Variants in PRPH2 observed in about 807,000 individuals in gnomAD.
PRPH2 encodes peripherin 2, also known as peripherin-2.
PRPH2 carries 17 observed loss-of-function variants against 31.3 expected under a neutral mutation model. That is an observed-to-expected ratio of 0.54 (90% CI 0.37 to 0.81). The LOEUF is 0.81. Ranked by LOEUF, PRPH2 falls within the 40% of genes least tolerant of loss-of-function variation. The probability of loss-of-function intolerance (pLI) is 0.00; values close to 1 mark genes in which losing one functional copy is unlikely to be tolerated. For synonymous variants in PRPH2, 165 were observed against 184.4 expected, an observed-to-expected ratio of 0.89 and a Z score of 0.85; for missense variants, 430 against 439.7, an observed-to-expected ratio of 0.98 and a Z score of 0.20.
At chr6:42,711,620 T>C (rs115405259) in intron 1 of PRPH2, among the ~76,000 whole-genome samples, 1,709 of 152,206 alleles carry the variant, frequency 0.011, 21 homozygotes, top group Non-Finnish European at 0.02. Flanking sequence ...AGCCCAGCCC[T>C]CAGGAAGCCC....
chr6:42,720,680 C>T (rs1352503136), intron 1 of PRPH2, among the ~76,000 whole-genome samples: 1 of 152,186 alleles, frequency 6.6e-6, no homozygotes, highest in Non-Finnish European at 1.5e-5. Flanking sequence ...TTCAAGTTCC[C>T]TTTGGACTTG....
At chr6:42,708,267 G>T (rs1205115493) in intron 1 of PRPH2, among the ~76,000 whole-genome samples, 5 of 152,214 alleles carry the variant, frequency 3.3e-5, no homozygotes, top group African/African-American at 9.6e-5. Flanking sequence ...GATCGTGCGG[G>T]CCACCCTCCA....
chr6:42,709,709 C>G (rs1420703629), intron 1 of PRPH2, among the ~76,000 whole-genome samples: 1 of 152,130 alleles, frequency 6.6e-6, no homozygotes, highest in African/African-American at 2.4e-5. Flanking sequence ...ATCTGGCTGC[C>G]ATTGGTGACA....
At chr6:42,718,837 C>T (rs1761837928) in intron 1 of PRPH2, among the ~76,000 whole-genome samples, 2 of 150,396 alleles carry the variant, frequency 1.3e-5, no homozygotes, top group Admixed American at 1.3e-4. Flanking sequence ...ATGTTTTGGG[C>T]TTTTTTTTTA....
intron 1 of PRPH2, among the ~76,000 whole-genome samples, chr6:42,716,592 TGTTTG>T (rs1344328971): frequency 6.7e-6 from 1 of 148,256 alleles, no homozygotes; most frequent in Non-Finnish European, 1.5e-5. Context: ...TAATTTTTTT[TGTTTG>T]GTTTGGTTTG....
Position 42,722,055 on chromosome 6 carries a change from A to G in PRPH2, c.280T>C (p.Trp94Arg), listed in dbSNP as rs567678322. Reference protein sequence around the residue: ...DALDPAKYARWKPWLKPYLAI... With the variant: ...DALDPAKYARRKPWLKPYLAI... Reference sequence around the variant, plus strand: ...AGGTACGGCTTCAGCCAGGGCTTCCATCTGGCATACTTGGCTGGGTCCAGG... The same window carrying G: ...AGGTACGGCTTCAGCCAGGGCTTCCGTCTGGCATACTTGGCTGGGTCCAGG... Residue 94 changes from tryptophan (W) to arginine (R), a missense_variant, in exon 1 of 3, where the codon TGG becomes CGG. By Grantham distance (101) the Trp-to-Arg change is moderately radical. Transcript: ENST00000230381. The surrounding 1 kb of genome is among the most constrained non-coding windows in gnomAD (Gnocchi z 4.4). 2 of 1,614,178 alleles carry G rather than the reference A, an allele frequency of 1.2e-6. No individual in the cohort carries two copies. The highest frequency in any genetic ancestry group is 1.3e-5 in the African/African-American group (1 of 75,044).
chr6:42,703,603 T>C (rs562043939), intron 2 of PRPH2, among the ~76,000 whole-genome samples: 1 of 152,282 alleles, frequency 6.6e-6, no homozygotes, highest in Non-Finnish European at 1.5e-5. Flanking sequence ...GGTCCATTTA[T>C]ATGAAATGTC....
chr6:42,698,548 T>G, intron 2 of PRPH2, 41 bp from the exon 3 acceptor site: 1 of 1,612,570 alleles, frequency 6.2e-7, no homozygotes, highest in Non-Finnish European at 8.5e-7. Context: ...TCTGGGAGAA[T>G]CGCTGGGAGC....
chr6:42,710,414 A>T (rs1582770506), intron 1 of PRPH2, among the ~76,000 whole-genome samples: 1 of 152,346 alleles, frequency 6.6e-6, no homozygotes, highest in East Asian at 1.9e-4. Context: ...CTGGGTCACC[A>T]GCCTGGGAAC....
intron 1 of PRPH2, among the ~76,000 whole-genome samples, chr6:42,717,085 G>C (rs573201087): frequency 1.5e-5 from 2 of 137,740 alleles, no homozygotes; most frequent in Admixed American, 8.0e-5. Context: ...AGGATTACAA[G>C]CATGAGCCCG....
intron 2 of PRPH2, among the ~76,000 whole-genome samples, chr6:42,699,634 G>A (rs378835): frequency 0.76 from 116,366 of 152,144 alleles, 44,624 homozygotes; most frequent in East Asian, 0.86. Flanking sequence ...CTGTAATCCC[G>A]GCACTTTGGG....
At chr6:42,712,606 G>A (rs940941576) in intron 1 of PRPH2, among the ~76,000 whole-genome samples, 7 of 151,966 alleles carry the variant, frequency 4.6e-5, no homozygotes, top group Non-Finnish European at 7.4e-5. Context: ...TGATAGGGAC[G>A]GGGTTTCACC....
chr6:42,704,122 AAT>A (rs1491396144), intron 2 of PRPH2, among the ~76,000 whole-genome samples: 2 of 135,392 alleles, frequency 1.5e-5, no homozygotes, highest in Admixed American at 7.9e-5. Context: ...AAATAAAAAA[AAT>A]AAATTTAAGT....
intron 1 of PRPH2, among the ~76,000 whole-genome samples, chr6:42,717,114 T>G (rs1308016456): frequency 1.3e-5 from 2 of 149,688 alleles, no homozygotes; most frequent in African/African-American, 4.9e-5. Flanking sequence ...CAAGAATTTC[T>G]TTTAAAAAGA....
At chr6:42,702,255 AG>A (rs1296473705) in intron 2 of PRPH2, among the ~76,000 whole-genome samples, 1 of 151,222 alleles carries the variant, frequency 6.6e-6, no homozygotes, top group Non-Finnish European at 1.5e-5. Flanking sequence ...AAAAAAAAAA[AG>A]GCGGCTTCCT....
At chr6:42,711,935 G>A (rs1339327562) in intron 1 of PRPH2, 1 of 985,246 alleles carries the variant, frequency 1.0e-6, no homozygotes, top group East Asian at 1.1e-4. Flanking sequence ...TGCTCATCCT[G>A]CAACCTTTAA....
At chr6:42,705,502 A>C (rs899680420) in intron 1 of PRPH2, among the ~76,000 whole-genome samples, 2 of 146,430 alleles carry the variant, frequency 1.4e-5, no homozygotes, top group South Asian at 4.4e-4. Context: ...GCGGGAGCCC[A>C]GGAGTTCAAG....
chr6:42,699,170 A>C (rs1376349665), intron 2 of PRPH2, among the ~76,000 whole-genome samples: 1 of 151,558 alleles, frequency 6.6e-6, no homozygotes, highest in African/African-American at 2.4e-5. Flanking sequence ...CTCATGCATC[A>C]GCCTCTTGAA....
rs1799975982 is a variant in PRPH2 at position 42,697,981 on chromosome 6, G to A, written c.*314C>T. Reference sequence around the variant, plus strand: ...ATAGGGTGGGACTAAATCCGTGTGAGAAAGATGGGTCCTGGGCTAGTCGTC... The same window carrying A: ...ATAGGGTGGGACTAAATCCGTGTGAAAAAGATGGGTCCTGGGCTAGTCGTC... On this transcript the variant is annotated 3_prime_UTR_variant, in exon 3 of 3. Coordinates refer to ENST00000230381, the MANE Select transcript of PRPH2 (RefSeq NM_000322.5). The A allele has an allele frequency of 1.3e-5, 5 of 386,018 alleles. No homozygotes were observed. In the South Asian group the frequency reaches 1.5e-4, roughly 11 times the overall value. The allele number at this position is 386,018 out of a possible 1,614,324, so 23.9% of individuals were successfully genotyped here.
Sources: allele counts gnomAD v4.1 joint callset (sites outside exome capture counted in the v4.1 genomes callset), GRCh38; gene constraint gnomAD v4.1.1; non-coding constraint Gnocchi (gnomAD v3.1); transcripts MANE v1.5; gene names NCBI Gene and HGNC (gene_info 2026-07-23, HGNC 2026-07-21).